LHX8: variants seen among roughly 807,000 people sequenced by gnomAD.
LHX8 encodes LIM homeobox 8, also known as LIM/homeobox protein Lhx8.
A neutral mutation model predicts 40.3 loss-of-function variants in LHX8; 12 were observed. The ratio of observed to expected loss-of-function variants is 0.30; its 90% CI spans 0.19 to 0.48. LHX8 has a LOEUF of 0.48. LHX8 is among the 20% of genes least tolerant of loss of function. The pLI is 0.99. For synonymous variants in LHX8, 179 were observed against 162.0 expected, an observed-to-expected ratio of 1.10 and a Z score of -0.80; for missense variants, 344 against 433.7, an observed-to-expected ratio of 0.79 and a Z score of 1.84.
At chr1:75,131,973 T>G (rs1270996738), upstream of LHX8, 1 of 152,230 alleles carries the variant, frequency 6.6e-6, no homozygotes, top group Non-Finnish European at 1.5e-5. Flanking sequence ...CATAAGATGA[T>G]GTTTTTTTGA....
chr1:75,151,526 T>C (rs1245497045), intron 7 of LHX8, among the ~76,000 whole-genome samples: 2 of 152,154 alleles, frequency 1.3e-5, no homozygotes, highest in Non-Finnish European at 2.9e-5. Flanking sequence ...TAAATATTTG[T>C]GAAAGGCTTC....
At chr1:75,155,079 T>C in intron 7 of LHX8, among the ~76,000 whole-genome samples, 1 of 152,126 alleles carries the variant, frequency 6.6e-6, no homozygotes. Flanking sequence ...TGAACAGACT[T>C]ATGCCCCTGA....
chr1:75,135,056 C>A (rs1351524847), intron 1 of LHX8, 102 bp downstream of exon 1: 3 of 418,802 alleles, frequency 7.2e-6, no homozygotes, highest in African/African-American at 2.2e-5. Flanking sequence ...AGACCTGGCT[C>A]GTTTCGTTCG....
Position 75,157,064 on chromosome 1 carries a change from A to G in LHX8, c.952A>G (p.Ser318Gly). ...QDGTMLTALHSYMDAHSPTTL... is the reference protein window; with the variant it reads ...QDGTMLTALHGYMDAHSPTTL... The stretch of plus-strand genomic sequence containing the variant: ...TGGAACGATGTTAACTGCGCTGCAT[A>G]GTTATATGGATGGTAGGTATCCCAA... Residue 318 changes from serine (S) to glycine (G), a missense_variant, in exon 8 of 9, where the codon AGT becomes GGT. Around this residue, in one of 3 missense-constraint regions of LHX8, gnomAD observed 89 missense variants for 92.8 expected, o/e 0.96. Transcript: ENST00000356261. The G allele has an allele frequency of 6.2e-7, 1 of 1,614,182 alleles. No individual in the cohort carries two copies. The highest frequency in any genetic ancestry group is 8.5e-7 in the Non-Finnish European group (1 of 1,180,022).
chr1:75,172,233 T>A, the LHX8 span, among the ~76,000 whole-genome samples: 192 of 152,236 alleles, frequency 1.3e-3, 3 homozygotes, highest in Non-Finnish European at 5.9e-5. Flanking sequence ...TTCTTACAGA[T>A]GTATGAGACC....
chr1:75,140,883 G>C (rs1570288482), intron 3 of LHX8, 102 bp from the exon 4 acceptor site: 1 of 1,088,362 alleles, frequency 9.2e-7, no homozygotes, highest in Non-Finnish European at 1.4e-6. Flanking sequence ...CAGAGCATGT[G>C]TTAATATATT....
chr1:75,171,595 A>G, the LHX8 span, among the ~76,000 whole-genome samples: 1 of 152,180 alleles, frequency 6.6e-6, no homozygotes, highest in African/African-American at 2.4e-5. Context: ...AAAGTGAATC[A>G]GTGCTAATAG....
Position 75,137,335 on chromosome 1 carries a change from TCCTC to T in LHX8, c.237+77_237+80del. 4 of 1,442,398 alleles carry T rather than the reference TCCTC, an allele frequency of 2.8e-6. No homozygotes were observed. In the Admixed American group the frequency reaches 7.1e-5, roughly 25 times the overall value. 89.3% of individuals were successfully genotyped at this position (1,442,398 alleles called of 1,614,324 possible). ...GGGAGCTCTGGGAAAAGAGTAATGT[TCCTC>T]CCACCAACCTTTCCGTTCAAGTTCT... On this transcript the variant is annotated intron_variant, in intron 3 of 8. Coordinates refer to ENST00000356261, the MANE Select transcript of LHX8 (RefSeq NM_001256114.2).
chr1:75,163,252 G>A (rs1339156253), downstream of LHX8, among the ~76,000 whole-genome samples: 1 of 152,078 alleles, frequency 6.6e-6, no homozygotes, highest in South Asian at 2.1e-4. Context: ...CACAGCTCAT[G>A]CTTTTAAAAT....
the LHX8 span, among the ~76,000 whole-genome samples, chr1:75,192,259 T>A: frequency 6.6e-6 from 1 of 152,214 alleles, no homozygotes; most frequent in Non-Finnish European, 1.5e-5. Context: ...ACCAAGTATA[T>A]TCTGAAATAG....
intron 4 of LHX8, 21 bp from the exon 5 acceptor site, chr1:75,143,096 TC>T: frequency 6.3e-7 from 1 of 1,595,650 alleles, no homozygotes; most frequent in Non-Finnish European, 8.6e-7. Context: ...ATATTTACCT[TC>T]CACACCTCTA....
intron 7 of LHX8, 78 bp downstream of exon 7, chr1:75,148,760 C>T: frequency 1.0e-6 from 1 of 961,196 alleles, no homozygotes; most frequent in Admixed American, 2.0e-5. Context: ...CCAGACTGAT[C>T]TTGAACTCTT....
chr1:75,167,746 C>G, the LHX8 span, among the ~76,000 whole-genome samples: 1 of 152,220 alleles, frequency 6.6e-6, no homozygotes, highest in Non-Finnish European at 1.5e-5. Context: ...ATTGACAGAG[C>G]AGTCTCTTGC....
downstream of LHX8, among the ~76,000 whole-genome samples, chr1:75,164,147 A>T (rs1463301568): frequency 6.6e-6 from 1 of 152,210 alleles, no homozygotes; most frequent in Non-Finnish European, 1.5e-5. Context: ...CTAACTTTTT[A>T]TTATTATGAA....
the LHX8 span, among the ~76,000 whole-genome samples, chr1:75,190,080 C>T: frequency 1.3e-5 from 2 of 152,042 alleles, no homozygotes; most frequent in African/African-American, 4.8e-5. Flanking sequence ...GTTCAATGCT[C>T]CAGGAAATAT....
intron 3 of LHX8, among the ~76,000 whole-genome samples, chr1:75,137,518 A>T (rs1409571272): frequency 6.6e-6 from 1 of 152,136 alleles, no homozygotes; most frequent in Non-Finnish European, 1.5e-5. Context: ...ATGTGTGTGG[A>T]TGCGCTGGAG....
chr1:75,179,095 T>A, the LHX8 span, among the ~76,000 whole-genome samples: 3 of 152,304 alleles, frequency 2.0e-5, no homozygotes, highest in African/African-American at 7.2e-5. Flanking sequence ...CTTCCAACTA[T>A]GTGGTCAATT....
At chr1:75,183,979 T>C in the LHX8 span, among the ~76,000 whole-genome samples, 1 of 152,066 alleles carries the variant, frequency 6.6e-6, no homozygotes, top group Non-Finnish European at 1.5e-5. Flanking sequence ...TTTGCAATCC[T>C]AATTTCAGAC....
At chr1:75,179,307 A>G in the LHX8 span, among the ~76,000 whole-genome samples, 2 of 152,102 alleles carry the variant, frequency 1.3e-5, no homozygotes, top group Admixed American at 1.3e-4. Context: ...GTGGGAGTCT[A>G]AGTCTCTTTT....
Sources: allele counts gnomAD v4.1 joint callset (sites outside exome capture counted in the v4.1 genomes callset), GRCh38; gene constraint gnomAD v4.1.1; regional missense constraint gnomAD v4.1.1; transcripts MANE v1.5; gene names NCBI Gene and HGNC (gene_info 2026-07-23, HGNC 2026-07-21).